The following DGKB variants were observed in gnomAD, a reference collection of about 807,000 sequenced individuals.
DGKB encodes the protein diacylglycerol kinase beta, also known as 90 kDa diacylglycerol kinase.
A neutral mutation model predicts 114.3 loss-of-function variants in DGKB; 67 were observed. The ratio of observed to expected loss-of-function variants is 0.59; its 90% CI spans 0.48 to 0.72. The LOEUF (loss-of-function observed/expected upper bound fraction) is 0.72. Among genes scored for constraint, DGKB ranks in the 30% least tolerant of loss-of-function variants. The probability of loss-of-function intolerance (pLI) is 0.00; values close to 1 mark genes in which losing one functional copy is unlikely to be tolerated. For missense variants in DGKB, 907 were observed against 975.2 expected, an observed-to-expected ratio of 0.93 and a Z score of 0.93; for synonymous variants, 398 against 323.1, an observed-to-expected ratio of 1.23 and a Z score of -2.49.
intron 21 of DGKB, among the ~76,000 whole-genome samples, chr7:14,390,160 G>T (rs1218339791): frequency 6.6e-6 from 1 of 152,044 alleles, no homozygotes; most frequent in Non-Finnish European, 1.5e-5. Context: ...CATACATAAG[G>T]GTATTTGCTA....
At chr7:14,440,415 G>A (rs1260019815) in intron 21 of DGKB, among the ~76,000 whole-genome samples, 1 of 151,918 alleles carries the variant, frequency 6.6e-6, no homozygotes, top group African/African-American at 2.4e-5. Context: ...AGTTGATCAC[G>A]ACTCACTCAT....
At chr7:14,904,702 ATTTT>A (rs1783584667), upstream of DGKB, among the ~76,000 whole-genome samples, 1 of 152,156 alleles carries the variant, frequency 6.6e-6, no homozygotes, top group Non-Finnish European at 1.5e-5. Context: ...AGCATCCAGA[ATTTT>A]TTAACGTCAA....
At chr7:14,633,672 G>A (rs896360439) in intron 13 of DGKB, among the ~76,000 whole-genome samples, 14 of 151,614 alleles carry the variant, frequency 9.2e-5, no homozygotes, top group Non-Finnish European at 1.2e-4. Context: ...ATCATCATGA[G>A]TGCATGATTC....
intron 1 of DGKB, among the ~76,000 whole-genome samples, chr7:14,876,412 A>C (rs1023764064): frequency 6.6e-6 from 1 of 152,190 alleles, no homozygotes; most frequent in Non-Finnish European, 1.5e-5. Context: ...CTGTTGAGTA[A>C]AGCTGTTTTC....
chr7:14,417,301 G>A (rs1436443851), intron 21 of DGKB, among the ~76,000 whole-genome samples: 1 of 151,928 alleles, frequency 6.6e-6, no homozygotes, highest in Non-Finnish European at 1.5e-5. Flanking sequence ...TGCAGATGCT[G>A]TATTAGAACA....
At chr7:14,515,630 G>A (rs1788669988) in intron 20 of DGKB, among the ~76,000 whole-genome samples, 1 of 152,178 alleles carries the variant, frequency 6.6e-6, no homozygotes, top group South Asian at 2.1e-4. Context: ...CACATTTTAA[G>A]TGTTCAATAC....
intron 1 of DGKB, among the ~76,000 whole-genome samples, chr7:14,942,631 C>G (rs535494146): frequency 6.6e-6 from 1 of 151,938 alleles, no homozygotes; most frequent in East Asian, 1.9e-4. Flanking sequence ...CAGTTTAAAG[C>G]GCTCCGGCTC....
intron 2 of DGKB, among the ~76,000 whole-genome samples, chr7:14,831,990 A>C (rs914864040): frequency 6.6e-6 from 1 of 152,102 alleles, no homozygotes; most frequent in African/African-American, 2.4e-5. Context: ...CTATAGAAAA[A>C]GAAAAGATAG....
At chr7:14,688,385 C>A (rs1237601896) in intron 9 of DGKB, among the ~76,000 whole-genome samples, 5 of 152,128 alleles carry the variant, frequency 3.3e-5, no homozygotes, top group African/African-American at 1.2e-4. Flanking sequence ...AAGGAAAATA[C>A]CCACTTCCCT....
At chr7:14,525,201 T>A (rs574564064) in intron 20 of DGKB, among the ~76,000 whole-genome samples, 2 of 152,294 alleles carry the variant, frequency 1.3e-5, no homozygotes, top group African/African-American at 4.8e-5. Context: ...GGAACAACCA[T>A]TTCTACGATA....
At chr7:14,354,236 G>A (rs1814041882) in intron 21 of DGKB, among the ~76,000 whole-genome samples, 1 of 152,284 alleles carries the variant, frequency 6.6e-6, no homozygotes, top group Admixed American at 6.5e-5. Flanking sequence ...AATAAGGTAT[G>A]TGTTCTTGTA....
chr7:14,620,129 C>T (rs1479644981), intron 15 of DGKB, among the ~76,000 whole-genome samples: 2 of 151,242 alleles, frequency 1.3e-5, no homozygotes, highest in Non-Finnish European at 3.0e-5. Flanking sequence ...TATTTGACAG[C>T]TCCTATGAAA....
intron 2 of DGKB, among the ~76,000 whole-genome samples, chr7:14,774,837 G>A (rs1837922552): frequency 6.6e-6 from 1 of 152,064 alleles, no homozygotes; most frequent in African/African-American, 2.4e-5. Context: ...TTCCATCACA[G>A]ATTTCTTTGC....
chr7:14,846,129 T>C (rs1848595097), intron 1 of DGKB, among the ~76,000 whole-genome samples: 1 of 152,194 alleles, frequency 6.6e-6, no homozygotes. Context: ...CTTCTCTGGA[T>C]TGATCTACCC....
chr7:14,476,631 AG>A (rs1167088996), intron 21 of DGKB, among the ~76,000 whole-genome samples: 9 of 152,264 alleles, frequency 5.9e-5, no homozygotes, highest in African/African-American at 1.7e-4. Context: ...TACGATAAAA[AG>A]TATAGTTTTC....
intron 23 of DGKB, among the ~76,000 whole-genome samples, chr7:14,309,903 G>A (rs1484113408): frequency 6.6e-6 from 1 of 152,178 alleles, no homozygotes; most frequent in Non-Finnish European, 1.5e-5. Flanking sequence ...CTGACAAAGG[G>A]TGAAAGAATA....
chr7:14,951,050 T>G (rs1442010945), intron 1 of DGKB, among the ~76,000 whole-genome samples: 6 of 151,996 alleles, frequency 3.9e-5, no homozygotes, highest in Non-Finnish European at 8.8e-5. Flanking sequence ...CTAATCATGC[T>G]TTCATGATTA....
At chr7:14,200,300 C>T (rs1440700774) in intron 23 of DGKB, among the ~76,000 whole-genome samples, 1 of 151,990 alleles carries the variant, frequency 6.6e-6, no homozygotes, top group Non-Finnish European at 1.5e-5. Flanking sequence ...GTGTGGCCCC[C>T]AGAGTGCAAG....
chr7:14,398,313 G>A (rs1011240777), intron 21 of DGKB, among the ~76,000 whole-genome samples: 1 of 151,950 alleles, frequency 6.6e-6, no homozygotes, highest in South Asian at 2.1e-4. Context: ...CCTTGAGACT[G>A]TCCTTGTGAA....
Sources: gnomAD v4.1 joint callset for allele counts (sites outside exome capture counted in the v4.1 genomes callset) on GRCh38, gnomAD v4.1.1 for gene constraint, MANE v1.5 for transcripts, NCBI Gene and HGNC (gene_info 2026-07-23, HGNC 2026-07-21) for gene names.